The following PEPD variants were observed in gnomAD, a reference collection of about 807,000 sequenced individuals.
PEPD encodes xaa-Pro dipeptidase.
A neutral mutation model predicts 60.7 loss-of-function variants in PEPD; 53 were observed. That is an observed-to-expected ratio of 0.87 (90% CI 0.70 to 1.10). The LOEUF (loss-of-function observed/expected upper bound fraction) is 1.10, where lower values mean the gene tolerates loss of function less well. Ranked by LOEUF, PEPD falls within the 50% of genes least tolerant of loss-of-function variation. The probability of loss-of-function intolerance (pLI) is 0.00; values close to 1 mark genes in which losing one functional copy is unlikely to be tolerated. For missense variants in PEPD, 711 were observed against 711.9 expected, an observed-to-expected ratio of 1.00 and a Z score of 0.01; for synonymous variants, 267 against 284.1, an observed-to-expected ratio of 0.94 and a Z score of 0.60.
intron 12 of PEPD, among the ~76,000 whole-genome samples, chr19:33,394,603 AGT>A (rs1968321320): frequency 6.6e-6 from 1 of 152,170 alleles, no homozygotes; most frequent in Non-Finnish European, 1.5e-5. Flanking sequence ...GGGCCCCTGG[AGT>A]GTGTGAGGGT....
chr19:33,503,695 C>T (rs1487733152), intron 3 of PEPD, among the ~76,000 whole-genome samples: 2 of 152,196 alleles, frequency 1.3e-5, no homozygotes, highest in African/African-American at 2.4e-5. Context: ...CACATCAACT[C>T]GGACTTTCTG....
chr19:33,431,597 C>A (rs989665447), intron 9 of PEPD, among the ~76,000 whole-genome samples: 11 of 152,216 alleles, frequency 7.2e-5, no homozygotes, highest in African/African-American at 2.7e-4. Context: ...GGAGACACTC[C>A]CCTCCCAATT....
intron 3 of PEPD, among the ~76,000 whole-genome samples, 177 bp downstream of exon 3, chr19:33,510,851 A>C (rs1177112453): frequency 6.6e-6 from 1 of 152,118 alleles, no homozygotes; most frequent in Admixed American, 6.5e-5. Flanking sequence ...TTCCCAGCCA[A>C]GGGTGCAGGG....
At chr19:33,450,211 G>A (rs1218345456) in intron 9 of PEPD, among the ~76,000 whole-genome samples, 1 of 152,240 alleles carries the variant, frequency 6.6e-6, no homozygotes, top group Non-Finnish European at 1.5e-5. Context: ...CCTACTGGCT[G>A]AAGAACTTGG....
intron 9 of PEPD, among the ~76,000 whole-genome samples, chr19:33,416,393 C>T (rs1012049552): frequency 6.6e-6 from 1 of 152,236 alleles, no homozygotes; most frequent in Non-Finnish European, 1.5e-5. Context: ...AACAGGCTCT[C>T]CAGCAGAGGG....
At chr19:33,518,629 G>A (rs960360238) in intron 1 of PEPD, among the ~76,000 whole-genome samples, 9 of 152,094 alleles carry the variant, frequency 5.9e-5, no homozygotes, top group African/African-American at 2.2e-4. Flanking sequence ...TCAATCACTG[G>A]GAGTCTCCCA....
intron 9 of PEPD, among the ~76,000 whole-genome samples, chr19:33,425,034 A>T (rs192625107): frequency 1.3e-5 from 2 of 152,288 alleles, no homozygotes; most frequent in Admixed American, 1.3e-4. Context: ...TTACCCTCAG[A>T]TACATCCAGA....
At position 33,401,671 on chromosome 19, in the gene PEPD, G is replaced by GC. The variant is rs762622405; in HGVS notation, c.967+49dup. ...CTGCAGGCACCTGCCACATAGCAGC[G>GC]CCCCCAACGCCACGTCAGATGCGCC... On this transcript the variant is annotated intron_variant, in intron 12 of 14. Transcript: ENST00000244137. 2.6e-6 allele frequency: 4 copies of GC among 1,555,718 alleles called. No homozygotes were observed. The South Asian group carries it at 4.7e-5, about 18-fold the overall frequency.
At chr19:33,513,678 G>A (rs1017832337) in intron 1 of PEPD, among the ~76,000 whole-genome samples, 12 of 152,060 alleles carry the variant, frequency 7.9e-5, no homozygotes, top group African/African-American at 2.9e-4. Flanking sequence ...GCCCAACCCC[G>A]TGCCAGCTGG....
At position 33,490,027 on chromosome 19, in the gene PEPD, A is replaced by G. The variant is rs761171509; in HGVS notation, c.472T>C (p.Cys158Arg). 6.2e-7 allele frequency: 1 copy of G among 1,612,462 alleles called. No homozygotes were observed. Among genetic ancestry groups the G allele is most frequent in the Non-Finnish European group, 8.5e-7 (1 of 1,179,082 alleles). ...RGVNTDSGSV[C>R]REASFDGISK... ...ATGCCGTCAAAGGAGGCCTCCCTGC[A>G]GACACTGCCGCTGTCCGTGTTGACG... The change falls in exon 6 of 15, where the codon TGC (cysteine) becomes CGC (arginine). Residue 158 changes from cysteine (C) to arginine (R), a missense_variant. Transcript: ENST00000244137.
rs541705734 is a variant in PEPD at position 33,396,593 on chromosome 19, G to A, written c.968-5114C>T. Among the ~76,000 whole-genome samples the A allele has an allele frequency of 8.6e-5, 13 of 152,046 alleles. No individual in the cohort carries two copies. In the South Asian group the frequency reaches 2.5e-3, roughly 29 times the overall value. The stretch of plus-strand genomic sequence containing the variant: ...CGAAACACAAAAGAGCTCATGAATC[G>A]TGGGCCACCATTGCTGTTCCAGGTT... On this transcript the variant is annotated intron_variant, in intron 12 of 14. Transcript: ENST00000244137.
At chr19:33,475,486 T>C (rs1004637255) in intron 7 of PEPD, among the ~76,000 whole-genome samples, 2 of 151,856 alleles carry the variant, frequency 1.3e-5, no homozygotes, top group Admixed American at 1.3e-4. Flanking sequence ...GTGACATTTC[T>C]AAAATGGTTC....
At chr19:33,517,931 C>T (rs1388783934) in intron 1 of PEPD, among the ~76,000 whole-genome samples, 1 of 150,828 alleles carries the variant, frequency 6.6e-6, no homozygotes, top group Non-Finnish European at 1.5e-5. Flanking sequence ...CGCGCCATTG[C>T]ACTCCAGTGT....
At chr19:33,416,311 G>A (rs957375132) in intron 9 of PEPD, among the ~76,000 whole-genome samples, 1 of 152,166 alleles carries the variant, frequency 6.6e-6, no homozygotes, top group Non-Finnish European at 1.5e-5. Context: ...CCAAGTGCGA[G>A]GCAGGAGGGG....
At chr19:33,513,511 T>C (rs901446396) in intron 1 of PEPD, among the ~76,000 whole-genome samples, 2 of 152,108 alleles carry the variant, frequency 1.3e-5, no homozygotes, top group Non-Finnish European at 2.9e-5. Context: ...TCTACCCTCA[T>C]TGCACATCCC....
chr19:33,445,822 A>G (rs958167780), intron 9 of PEPD, among the ~76,000 whole-genome samples: 1 of 152,172 alleles, frequency 6.6e-6, no homozygotes, highest in African/African-American at 2.4e-5. Context: ...GAGTCCCACC[A>G]GGCTCAAAGC....
intron 9 of PEPD, among the ~76,000 whole-genome samples, chr19:33,421,952 C>T (rs1969028938): frequency 6.6e-6 from 1 of 152,058 alleles, no homozygotes; most frequent in Non-Finnish European, 1.5e-5. Flanking sequence ...GCTGGCCCCC[C>T]TGCTTCAGCC....
chr19:33,450,050 GC>G (rs1173797394), intron 9 of PEPD, among the ~76,000 whole-genome samples: 1 of 152,216 alleles, frequency 6.6e-6, no homozygotes, highest in Non-Finnish European at 1.5e-5. Context: ...TGGCCAAGCT[GC>G]CTCTGTCTCC....
chr19:33,391,242 G>T, intron 13 of PEPD, 53 bp downstream of exon 13: 1 of 1,453,896 alleles, frequency 6.9e-7, no homozygotes, highest in Non-Finnish European at 9.6e-7. Flanking sequence ...CTGGGGGTCA[G>T]GCTCAGCGGC....
Sources: allele counts gnomAD v4.1 joint callset (sites outside exome capture counted in the v4.1 genomes callset), GRCh38; gene constraint gnomAD v4.1.1; transcripts MANE v1.5; gene names NCBI Gene and HGNC (gene_info 2026-07-23, HGNC 2026-07-21).